The following POLN variants were observed in gnomAD, a reference collection of about 807,000 sequenced individuals.
The protein encoded by POLN is DNA polymerase N.
Under a neutral mutation model 113.5 loss-of-function variants are expected in POLN, and 108 were observed. The observed-to-expected ratio is 0.95, with a 90% CI of 0.81 to 1.12. The LOEUF (loss-of-function observed/expected upper bound fraction) is 1.12. Among genes scored for constraint, POLN ranks in the 50% most tolerant of loss-of-function variants. The probability of loss-of-function intolerance (pLI) is 0.00; values close to 1 mark genes in which losing one functional copy is unlikely to be tolerated. For synonymous variants in POLN, 386 were observed against 391.5 expected (o/e 0.99, Z 0.17); for missense variants, 1,097 against 1,077.1 (o/e 1.02, Z -0.26).
At chr4:2,173,221 A>G (rs1020670689) in intron 11 of POLN, among the ~76,000 whole-genome samples, 5 of 152,204 alleles carry the variant, frequency 3.3e-5, no homozygotes, top group African/African-American at 1.2e-4. Context: ...GCTTTGAACC[A>G]GGTGATGGTT....
chr4:2,081,081 TCATGGTGCAC>T, intron 22 of POLN, 45 bp from the exon 23 acceptor site: 2 of 1,612,582 alleles, frequency 1.2e-6, no homozygotes, highest in Non-Finnish European at 1.7e-6. Flanking sequence ...GGCACACGGT[TCATGGTGCAC>T]TCAGCATTCT....
At chr4:2,144,892 T>G (rs936554008) in intron 16 of POLN, among the ~76,000 whole-genome samples, 1 of 152,194 alleles carries the variant, frequency 6.6e-6, no homozygotes, top group African/African-American at 2.4e-5. Context: ...TAGTCGACAC[T>G]CTGGGAATAC....
intron 19 of POLN, among the ~76,000 whole-genome samples, chr4:2,108,815 C>T (rs926115743): frequency 2.0e-5 from 3 of 152,050 alleles, no homozygotes; most frequent in Admixed American, 2.0e-4. Flanking sequence ...CCATGGGTGC[C>T]CCCTCAGTAT....
intron 3 of POLN, among the ~76,000 whole-genome samples, chr4:2,219,461 T>C (rs890918165): frequency 3.3e-5 from 5 of 152,154 alleles, no homozygotes; most frequent in African/African-American, 4.8e-5. Context: ...GAAGTCACTT[T>C]ACGAGAACTG....
At chr4:2,239,801 T>C (rs1416179103) in intron 2 of POLN, among the ~76,000 whole-genome samples, 2 of 152,252 alleles carry the variant, frequency 1.3e-5, no homozygotes, top group African/African-American at 4.8e-5. Flanking sequence ...AAAGCACTTT[T>C]GTTTAAAATA....
At chr4:2,090,642 A>T (rs1730644291) in intron 20 of POLN, 2 of 383,492 alleles carry the variant, frequency 5.2e-6, no homozygotes, top group South Asian at 6.1e-5. Flanking sequence ...CGTTTGCTAC[A>T]GCCCCTTAAC....
chr4:2,170,859 GCCAGAGAA>G, intron 12 of POLN, 85 bp from the exon 13 acceptor site: 1 of 1,240,950 alleles, frequency 8.1e-7, no homozygotes, highest in African/African-American at 1.5e-5. Flanking sequence ...CATGCCAACA[GCCAGAGAA>G]GACACACCCA....
chr4:2,075,065 C>T (rs1043809028), intron 24 of POLN, among the ~76,000 whole-genome samples: 1 of 152,210 alleles, frequency 6.6e-6, no homozygotes, highest in Non-Finnish European at 1.5e-5. Context: ...CACCTGCTGC[C>T]AGCTCCGCAG....
intron 13 of POLN, among the ~76,000 whole-genome samples, chr4:2,166,957 C>T (rs375721847): frequency 7.9e-5 from 12 of 152,290 alleles, no homozygotes; most frequent in Admixed American, 2.0e-4. Flanking sequence ...TCTATATCTG[C>T]ATATATCCTA....
Position 2,127,232 on chromosome 4 carries a change from G to C in POLN, c.1982+881C>G, listed in dbSNP as rs1421547551. ...GGTGGCACCTGCAGCTGATGAGGGA[G>C]GGGACAGTGACTCAGACACACGGAC... On this transcript the variant is annotated intron_variant, in intron 19 of 25. Coordinates refer to ENST00000511885, the MANE Select transcript of POLN (RefSeq NM_181808.4). This position sits in a 1 kb window ranked among gnomAD's most constrained non-coding sequence, Gnocchi z 4.7. Among the ~76,000 whole-genome samples, 6 of 151,952 alleles carry C rather than the reference G, an allele frequency of 3.9e-5. No homozygotes were observed.
At position 2,121,954 on chromosome 4, in the gene POLN, T is replaced by C. The variant is rs780413673; in HGVS notation, c.1982+6159A>G. ...ACTTGAGATCTTTCCTGATTTCTAATGTAAGCATTTCGTGCTATACTTTTC... is the reference window on the plus strand; with the variant it reads ...ACTTGAGATCTTTCCTGATTTCTAACGTAAGCATTTCGTGCTATACTTTTC... On this transcript the variant is annotated intron_variant, in intron 19 of 25. Coordinates refer to ENST00000511885, the MANE Select transcript of POLN (RefSeq NM_181808.4). Among the ~76,000 whole-genome samples the C allele has an allele frequency of 5.9e-5, 9 of 152,296 alleles. 1 individual carries two copies. The highest frequency in any genetic ancestry group is 1.9e-4 in the African/African-American group (8 of 41,554).
intron 13 of POLN, among the ~76,000 whole-genome samples, chr4:2,166,960 A>G (rs1238772833): frequency 1.3e-5 from 2 of 152,174 alleles, no homozygotes; most frequent in South Asian, 4.1e-4. Flanking sequence ...ATATCTGCAT[A>G]TATCCTACCG....
intron 19 of POLN, among the ~76,000 whole-genome samples, chr4:2,116,585 A>G (rs1475752222): frequency 6.6e-6 from 1 of 151,878 alleles, no homozygotes; most frequent in Non-Finnish European, 1.5e-5. Flanking sequence ...GTTTCAGAAC[A>G]TCTAATCTAG....
intron 20 of POLN, among the ~76,000 whole-genome samples, chr4:2,092,136 T>G (rs537714467): frequency 1.3e-5 from 2 of 152,208 alleles, no homozygotes; most frequent in Non-Finnish European, 2.9e-5. Flanking sequence ...GATGGCACAG[T>G]GCTGTGCGCC....
rs967021939 is a variant in POLN at position 2,138,659 on chromosome 4, T to G, written c.1732-7369A>C. ...GCTCATACCTGTAATCCCAGCACTTTGAGAGGTTGAGGTGGGCGGATCATT... is the reference window on the plus strand; with the variant it reads ...GCTCATACCTGTAATCCCAGCACTTGGAGAGGTTGAGGTGGGCGGATCATT... On this transcript the variant is annotated intron_variant, in intron 16 of 25. Transcript: ENST00000511885. 7.2e-5 allele frequency among the ~76,000 whole-genome samples: 11 copies of G among 152,194 alleles called. No homozygotes were observed. The South Asian group carries it at 1.2e-3, about 17-fold the overall frequency.
At chr4:2,139,277 C>T (rs758011710) in intron 16 of POLN, among the ~76,000 whole-genome samples, 7 of 152,304 alleles carry the variant, frequency 4.6e-5, no homozygotes, top group African/African-American at 7.2e-5. Flanking sequence ...GCTTGGGGCC[C>T]GCAGCTCCCC....
intron 19 of POLN, among the ~76,000 whole-genome samples, chr4:2,105,474 CAAAGGAATTA>C (rs757902984): frequency 1.6e-4 from 24 of 151,898 alleles, no homozygotes; most frequent in Non-Finnish European, 3.4e-4. Context: ...TAAAATAAAG[CAAAGGAATTA>C]AGAGGAATAA....
At chr4:2,144,161 T>C (rs1041891091) in intron 16 of POLN, among the ~76,000 whole-genome samples, 5 of 150,054 alleles carry the variant, frequency 3.3e-5, no homozygotes, top group East Asian at 1.9e-4. Flanking sequence ...TTTTTTTTTT[T>C]TGAGATGGAG....
intron 14 of POLN, among the ~76,000 whole-genome samples, chr4:2,158,171 C>T (rs956223508): frequency 1.3e-5 from 2 of 152,142 alleles, no homozygotes; most frequent in Admixed American, 6.5e-5. Flanking sequence ...AGGCTGGTCT[C>T]GAACCTCTGA....
Sources: gnomAD v4.1 joint callset for allele counts (sites outside exome capture counted in the v4.1 genomes callset) on GRCh38, gnomAD v4.1.1 for gene constraint, Gnocchi (gnomAD v3.1) non-coding constraint, MANE v1.5 for transcripts, NCBI Gene and HGNC (gene_info 2026-07-23, HGNC 2026-07-21) for gene names.